Variants in DDX54 observed in about 807,000 individuals in gnomAD.
The protein encoded by DDX54 is DEAD-box helicase 54, also known as ATP-dependent RNA helicase DDX54.
A neutral mutation model predicts 105.5 loss-of-function variants in DDX54; 67 were observed. The ratio of observed to expected loss-of-function variants is 0.64; its 90% confidence interval spans 0.52 to 0.78. The LOEUF is 0.78. DDX54 is among the 30% of genes least tolerant of loss of function. The probability of loss-of-function intolerance (pLI) is 0.00; values close to 1 mark genes in which losing one functional copy is unlikely to be tolerated. For synonymous variants in DDX54, 514 were observed against 509.9 expected (o/e 1.01, Z -0.11); for missense variants, 1,206 against 1,230.5 (o/e 0.98, Z 0.30).
At chr12:113,181,632 A>G (rs1952469739) in intron 1 of DDX54, among the ~76,000 whole-genome samples, 2 of 151,980 alleles carry the variant, frequency 1.3e-5, no homozygotes, top group South Asian at 2.1e-4. Flanking sequence ...TAAAGAGCCA[A>G]TCGAAATGCC....
rs188065437 is a variant in DDX54 at position 113,166,459 on chromosome 12, G to A, written c.1415-427C>T. 1.5e-3 allele frequency among the ~76,000 whole-genome samples: 231 copies of A among 152,124 alleles called. 1 individual carries two copies. The highest frequency in any genetic ancestry group is 5.1e-3 in the African/African-American group (211 of 41,510). Reference sequence around the variant, plus strand: ...CTCATGCCTATAATCTCAGAGTTCCGGGAGGCTGAGGCAGGAGGATCACTT... The same window carrying A: ...CTCATGCCTATAATCTCAGAGTTCCAGGAGGCTGAGGCAGGAGGATCACTT... On this transcript the variant is annotated intron_variant, in intron 12 of 19. Coordinates refer to ENST00000306014, the MANE Select transcript of DDX54 (RefSeq NM_024072.4).
Position 113,165,644 on chromosome 12 carries a change from C to T in DDX54, c.1719G>A (p.Ala573=), listed in dbSNP as rs756569371. 15 of 1,603,724 alleles carry T rather than the reference C, an allele frequency of 9.4e-6. 1 individual carries two copies. Among genetic ancestry groups the T allele is most frequent in the East Asian group, 6.7e-5 (3 of 44,652 alleles). ...GTGGTCTCCACCCGGCCCCACTCAC[C>T]GCCCGGGAGCGGTAGTTCTTTATGC... is the stretch of plus-strand genomic sequence containing the variant. ...VDSIKNYRSR[A]TIFEINASSR... is the part of the protein sequence containing the mutation. The change falls in exon 14 of 20, where the codon GCG becomes GCA. Residue 573 remains alanine (A), a splice_region_variant and synonymous_variant. Coordinates refer to ENST00000306014, the MANE Select transcript of DDX54 (RefSeq NM_024072.4).
At chr12:113,169,673 T>C in intron 12 of DDX54, 97 bp downstream of exon 12, 2 of 1,381,014 alleles carry the variant, frequency 1.4e-6, no homozygotes, top group Non-Finnish European at 2.0e-6. Flanking sequence ...AGGAATCATC[T>C]TCTGCTGGGG....
At chr12:113,167,853 C>T (rs1952294469) in intron 12 of DDX54, 3 of 467,710 alleles carry the variant, frequency 6.4e-6, no homozygotes, top group South Asian at 4.6e-5. Context: ...CTGTACGGGG[C>T]TGCGTGCTGC....
At chr12:113,185,171 C>A (rs1952514182) in intron 1 of DDX54, 107 bp downstream of exon 1, 44 of 1,364,180 alleles carry the variant, frequency 3.2e-5, no homozygotes, top group Non-Finnish European at 4.2e-5. Flanking sequence ...AGCCTCCCTC[C>A]CCACACTCTG....
intron 7 of DDX54, 132 bp downstream of exon 7, chr12:113,176,708 C>A: frequency 1.1e-6 from 1 of 900,634 alleles, no homozygotes; most frequent in South Asian, 1.6e-5. Context: ...GTCTGCAGCC[C>A]ACATCTGGGA....
Position 113,179,821 on chromosome 12 carries a change from G to C in DDX54, c.375+114C>G, listed in dbSNP as rs527307569. ...GCACGCTAGCTGGGGCTTCAGCAGA[G>C]TAAAGGGGGCAGGAGATGTGACAGG... On this transcript the variant is annotated intron_variant, in intron 3 of 19. Coordinates refer to ENST00000306014, the MANE Select transcript of DDX54 (RefSeq NM_024072.4). 1.9e-5 allele frequency: 24 copies of C among 1,274,490 alleles called. No homozygotes were observed. The Admixed American group carries it at 3.8e-4, about 20-fold the overall frequency. The allele number at this position is 1,274,490 out of a possible 1,614,324, so 78.9% of individuals were successfully genotyped here. A position where few individuals can be genotyped will look rare whatever the true frequency, so the allele number is the denominator to read the frequency against.
intron 10 of DDX54, among the ~76,000 whole-genome samples, chr12:113,173,034 G>A (rs564629148): frequency 1.6e-4 from 24 of 152,284 alleles, no homozygotes; most frequent in African/African-American, 5.8e-4. Context: ...GAGAGTGCTA[G>A]CTGTTCTTTA....
At chr12:113,180,049 C>T (rs759406856) in intron 2 of DDX54, 44 bp from the exon 3 acceptor site, 10 of 1,583,042 alleles carry the variant, frequency 6.3e-6, no homozygotes, top group Middle Eastern at 1.7e-4. Context: ...GGAGTCCCCA[C>T]AGCACCAACC....
At chr12:113,179,416 C>T (rs1448280186) in intron 3 of DDX54, 85 bp from the exon 4 acceptor site, 2 of 1,453,050 alleles carry the variant, frequency 1.4e-6, no homozygotes, top group East Asian at 4.8e-5. Flanking sequence ...GAGGAGTGGG[C>T]ATGCTATAGA....
Position 113,174,713 on chromosome 12 carries a change from T to C in DDX54, c.995A>G (p.His332Arg), listed in dbSNP as rs544529809. Reference protein sequence around the residue: ...TKAAVLLHLLHNVVRPQDQTV... With the variant: ...TKAAVLLHLLRNVVRPQDQTV... ...CTGGTCCTGGGGCCGCACCACGTTGTGCAGCAGGTGGAGCAGCACGGCAGC... is the reference window on the plus strand; with the variant it reads ...CTGGTCCTGGGGCCGCACCACGTTGCGCAGCAGGTGGAGCAGCACGGCAGC... Residue 332 changes from histidine to arginine, a missense_variant, in exon 10 of 20, where the codon CAC (histidine) becomes CGC (arginine). This residue lies in a region of DDX54 where 961 missense variants were observed against 1,019.1 expected (regional missense o/e 0.94). Coordinates refer to ENST00000306014, the MANE Select transcript of DDX54 (RefSeq NM_024072.4). 5 of 1,609,302 alleles carry C rather than the reference T, an allele frequency of 3.1e-6. No homozygotes were observed. In the African/African-American group the frequency reaches 4.0e-5, roughly 13 times the overall value.
Position 113,165,908 on chromosome 12 carries a change from A to G in DDX54, c.1539T>C (p.Asp513=). 1 of 1,613,806 alleles carries G rather than the reference A, an allele frequency of 6.2e-7. No homozygotes were observed. Among genetic ancestry groups the G allele is most frequent in the Non-Finnish European group, 8.5e-7 (1 of 1,180,022 alleles). Residue 513 remains aspartate, a synonymous_variant, in exon 13 of 20, where the codon GAT becomes GAC. Coordinates refer to ENST00000306014, the MANE Select transcript of DDX54 (RefSeq NM_024072.4). ...LELRGLARVA[D]NAQQQYVRSR... ...AGCGCACATACTGCTGCTGGGCGTT[A>G]TCAGCAACGCGGGCCAGGCCCCGTA...
At chr12:113,162,110 A>C (rs1952215714) in intron 17 of DDX54, 113 bp from the exon 18 acceptor site, 1 of 1,004,416 alleles carries the variant, frequency 1.0e-6, no homozygotes, top group Non-Finnish European at 1.5e-6. Flanking sequence ...TGGAGCATTA[A>C]AGGAAAGCAG....
At chr12:113,185,047 G>C (rs1217147799) in intron 1 of DDX54, among the ~76,000 whole-genome samples, 1 of 152,188 alleles carries the variant, frequency 6.6e-6, no homozygotes, top group South Asian at 2.1e-4. Context: ...CCGGCAGGAA[G>C]GCCCGCAGGC....
At chr12:113,162,660 C>T (rs1952221973) in intron 17 of DDX54, 7 of 445,350 alleles carry the variant, frequency 1.6e-5, no homozygotes, top group East Asian at 4.4e-5. Context: ...GCGGCTCACT[C>T]GCTCACTCAC....
chr12:113,163,272 G>T lies in DDX54; in HGVS notation c.1941C>A (p.Asp647Glu). The T allele has an allele frequency of 6.2e-7, 1 of 1,608,442 alleles. No individual in the cohort carries two copies. Among genetic ancestry groups the T allele is most frequent in the Non-Finnish European group, 8.5e-7 (1 of 1,179,856 alleles). Residue 647 changes from aspartate to glutamate, a missense_variant and splice_region_variant, in exon 16 of 20, where the codon GAC (aspartate) becomes GAA (glutamate). Asp to Glu is a conservative substitution (Grantham distance 45, BLOSUM62 2). Coordinates refer to ENST00000306014, the MANE Select transcript of DDX54 (RefSeq NM_024072.4). The surrounding 1 kb of genome is among the most constrained non-coding windows in gnomAD (Gnocchi z 5.9). Reference protein sequence around the residue: ...EEEEAGESVEDIFSEVVGRKR... With the variant: ...EEEEAGESVEEIFSEVVGRKR... Reference sequence around the variant, plus strand: ...TCCGGCCCACGACCTCTGAGAAAATGTCCTGGCAGAGCACAGACCAAGGCC... The same window carrying T: ...TCCGGCCCACGACCTCTGAGAAAATTTCCTGGCAGAGCACAGACCAAGGCC...
Position 113,165,970 on chromosome 12 carries a change from T to G in DDX54, c.1477A>C (p.Ser493Arg), listed in dbSNP as rs752092143. 4 of 1,613,180 alleles carry G rather than the reference T, an allele frequency of 2.5e-6. No homozygotes were observed. The highest frequency in any genetic ancestry group is 3.4e-6 in the Non-Finnish European group (4 of 1,180,006). Reference sequence around the variant, plus strand: ...GCCTCCAGGGTGCTCTGCAGACCACTGTCCTCCTCGTCCACCACACTCTGT... The same window carrying G: ...GCCTCCAGGGTGCTCTGCAGACCACGGTCCTCCTCGTCCACCACACTCTGT... ...VPQSVVDEEDSGLQSTLEASL... is the reference protein window; with the variant it reads ...VPQSVVDEEDRGLQSTLEASL... The change falls in exon 13 of 20, where the codon AGT becomes CGT. Residue 493 changes from serine to arginine, a missense_variant. By Grantham distance (110) the Ser-to-Arg change is moderately radical (BLOSUM62 -1). Transcript: ENST00000306014.
intron 18 of DDX54, 59 bp downstream of exon 18, chr12:113,161,834 A>G: frequency 1.6e-6 from 1 of 612,738 alleles, no homozygotes; most frequent in South Asian, 1.6e-5. Flanking sequence ...ACTTAATTGA[A>G]GCTGCTCCTG....
rs773232317 is a variant in DDX54, at chr12:113,185,416, C to T, written c.36G>A (p.Arg12=). ...AADKGPAAGP[R]SRAAMAQWRK... ...TCCACTGGGCCATGGCAGCTCGCGA[C>T]CGAGGTCCAGCCGCCGGGCCCTTGT... is the stretch of plus-strand genomic sequence containing the variant. The change falls in exon 1 of 20, where the codon CGG becomes CGA. Residue 12 remains arginine, a synonymous_variant. Transcript: ENST00000306014. 4.6e-6 allele frequency: 7 copies of T among 1,531,320 alleles called. No individual in the cohort carries two copies. In the Admixed American group the frequency reaches 1.4e-4, roughly 31 times the overall value. The allele number at this position is 1,531,320 out of a possible 1,614,324, so 94.9% of individuals were successfully genotyped here.
Sources: allele counts gnomAD v4.1 joint callset (sites outside exome capture counted in the v4.1 genomes callset), GRCh38; gene constraint gnomAD v4.1.1; regional missense constraint gnomAD v4.1.1; non-coding constraint Gnocchi (gnomAD v3.1); transcripts MANE v1.5; gene names NCBI Gene and HGNC (gene_info 2026-07-23, HGNC 2026-07-21).